Variants in KCNJ1 observed in about 807,000 individuals in gnomAD.
The protein encoded by KCNJ1 is ATP-sensitive inward rectifier potassium channel 1.
KCNJ1 carries 24 observed loss-of-function variants against 21.9 expected under a neutral mutation model. The ratio of observed to expected loss-of-function variants is 1.10; its 90% CI spans 0.79 to 1.54. The LOEUF is 1.54. Among genes scored for constraint, KCNJ1 ranks in the 40% most tolerant of loss-of-function variants. The probability of loss-of-function intolerance (pLI) is 0.00; values close to 1 mark genes in which losing one functional copy is unlikely to be tolerated. For missense variants in KCNJ1, 457 were observed against 455.4 expected (o/e 1.00, Z -0.03); for synonymous variants, 152 against 160.9 (o/e 0.94, Z 0.42).
chr11:128,850,278 C>T (rs1943461178), intron 2 of KCNJ1, among the ~76,000 whole-genome samples: 1 of 152,020 alleles, frequency 6.6e-6, no homozygotes. Context: ...GAAGAAGATC[C>T]CCCTCCCCAT....
In KCNJ1 at chr11:128,862,273, C is replaced by T. The variant is rs1195184691; in HGVS notation, c.-192+4900G>A. On this transcript the variant is annotated intron_variant, in intron 1 of 2. Coordinates refer to ENST00000392666, the MANE Select transcript of KCNJ1 (RefSeq NM_153766.3). Reference sequence around the variant, plus strand: ...CTCCACTCTCTGGCAGCCTCCGTCCCCAGCAGACCTCATCCTGTCTCTTCA... The same window carrying T: ...CTCCACTCTCTGGCAGCCTCCGTCCTCAGCAGACCTCATCCTGTCTCTTCA... Among the ~76,000 whole-genome samples the T allele has an allele frequency of 3.3e-5, 5 of 152,158 alleles. No individual in the cohort carries two copies. In the East Asian group the frequency reaches 9.6e-4, roughly 29 times the overall value.
chr11:128,850,578 A>C (rs933555986), intron 2 of KCNJ1, 143 bp downstream of exon 2: 1 of 182,364 alleles, frequency 5.5e-6, no homozygotes. Context: ...TGGTGGTGGG[A>C]CTCAGTACTT....
chr11:128,841,745 A>G (rs1046854197), intron 2 of KCNJ1, among the ~76,000 whole-genome samples: 4 of 152,204 alleles, frequency 2.6e-5, no homozygotes, highest in Non-Finnish European at 4.4e-5. Flanking sequence ...CAAGAAGCCA[A>G]CGCCAAGTCG....
At chr11:128,852,823 AAGGAAGACAAGC>A (rs1464100744) in intron 1 of KCNJ1, among the ~76,000 whole-genome samples, 2 of 152,246 alleles carry the variant, frequency 1.3e-5, no homozygotes, top group East Asian at 1.9e-4. Flanking sequence ...CCTCTGAAAC[AAGGAAGACAAGC>A]AGGAAGGGGG....
Position 128,840,024 on chromosome 11 carries a change from A to C in KCNJ1, c.220T>G (p.Phe74Val), listed in dbSNP as rs751116693. The C allele has an allele frequency of 7.4e-6, 12 of 1,613,842 alleles. No individual in the cohort carries two copies. Among genetic ancestry groups the C allele is most frequent in the Non-Finnish European group, 1.0e-5 (12 of 1,179,968 alleles). ...IFITAFLGSW[F>V]FFGLLWYAVA... The stretch of plus-strand genomic sequence containing the variant: ...GCATACCACAGGAGACCAAAGAAAA[A>C]CCAACTCCCCAAGAAGGCTGTGATG... The change falls in exon 3 of 3, where the codon TTT becomes GTT. Residue 74 changes from phenylalanine to valine, a missense_variant. Physicochemically the swap from Phe to Val is conservative, Grantham distance 50. Transcript: ENST00000392666.
chr11:128,848,161 G>A (rs113724808), intron 2 of KCNJ1, among the ~76,000 whole-genome samples: 9,449 of 151,928 alleles, frequency 0.062, 336 homozygotes, highest in African/African-American at 0.11. Context: ...GGTGGCGGGC[G>A]CCTGTAGTTC....
At chr11:128,861,320 T>C (rs375128235) in intron 1 of KCNJ1, among the ~76,000 whole-genome samples, 227 of 152,182 alleles carry the variant, frequency 1.5e-3, no homozygotes, top group African/African-American at 5.2e-3. Context: ...AGACCCAGGA[T>C]TGGGGGCCCT....
chr11:128,840,430 T>C (rs1943264340), intron 2 of KCNJ1, among the ~76,000 whole-genome samples, 166 bp from the exon 3 acceptor site: 1 of 152,220 alleles, frequency 6.6e-6, no homozygotes, highest in African/African-American at 2.4e-5. Flanking sequence ...ATGCTATTTC[T>C]GATAGAAACT....
rs753312916 is a variant in KCNJ1 at position 128,839,746 on chromosome 11, G to C, written c.498C>G (p.Pro166=). ...ACGTAATGGTCTTGGCACGTTTTTTGGGCCTGGAGATCTTGGCTAAGATGG... is the reference window on the plus strand; with the variant it reads ...ACGTAATGGTCTTGGCACGTTTTTTCGGCCTGGAGATCTTGGCTAAGATGG... ...CGAILAKISR[P]KKRAKTITFS... Residue 166 remains proline (P), a synonymous_variant, in exon 3 of 3, where the codon CCC becomes CCG. Coordinates refer to ENST00000392666, the MANE Select transcript of KCNJ1 (RefSeq NM_153766.3). 2 of 1,613,634 alleles carry C rather than the reference G, an allele frequency of 1.2e-6. No individual in the cohort carries two copies. Among genetic ancestry groups the C allele is most frequent in the East Asian group, 4.5e-5 (2 of 44,876 alleles).
chr11:128,841,133 C>G (rs2135941997), intron 2 of KCNJ1, among the ~76,000 whole-genome samples: 1 of 152,330 alleles, frequency 6.6e-6, no homozygotes, highest in South Asian at 2.1e-4. Context: ...TGTTCCTACT[C>G]TCTCCCCACG....
intron 1 of KCNJ1, among the ~76,000 whole-genome samples, chr11:128,851,786 T>C (rs1360286277): frequency 6.6e-6 from 1 of 152,216 alleles, no homozygotes. Context: ...CTTGACAATT[T>C]ATAAAATGGA....
intron 2 of KCNJ1, among the ~76,000 whole-genome samples, chr11:128,843,015 A>C (rs1276919219): frequency 6.6e-6 from 1 of 152,202 alleles, no homozygotes. Flanking sequence ...AGAAGTCTTT[A>C]TTGTTGGAAG....
chr11:128,862,478 C>G (rs918945977), intron 1 of KCNJ1, among the ~76,000 whole-genome samples: 3 of 152,206 alleles, frequency 2.0e-5, no homozygotes, highest in South Asian at 4.1e-4. Context: ...GGAGAGGAAA[C>G]AGCCCTGTGT....
intron 1 of KCNJ1, among the ~76,000 whole-genome samples, chr11:128,856,486 AG>A (rs1943593261): frequency 1.3e-5 from 2 of 152,214 alleles, no homozygotes; most frequent in Admixed American, 6.5e-5. Flanking sequence ...ACCGCAGAAG[AG>A]GGAGCAGGGG....
At position 128,854,448 on chromosome 11, in the gene KCNJ1, C is replaced by T. The variant is rs959463196; in HGVS notation, c.-191-3558G>A. Among the ~76,000 whole-genome samples the T allele has an allele frequency of 5.9e-5, 9 of 152,012 alleles. No homozygotes were observed. The East Asian group carries it at 7.7e-4, about 13-fold the overall frequency. On this transcript the variant is annotated intron_variant, in intron 1 of 2. Coordinates refer to ENST00000392666, the MANE Select transcript of KCNJ1 (RefSeq NM_153766.3). ...AGAGGCCCACGGGCCCATTCAAAACCCCGCCTTGCCCCACATTTCCCCCGT... is the reference window on the plus strand; with the variant it reads ...AGAGGCCCACGGGCCCATTCAAAACTCCGCCTTGCCCCACATTTCCCCCGT...
rs1943205230 is a variant in KCNJ1 at position 128,838,329 on chromosome 11, C to G, written c.*796G>C. On this transcript the variant is annotated 3_prime_UTR_variant, in exon 3 of 3. Coordinates refer to ENST00000392666, the MANE Select transcript of KCNJ1 (RefSeq NM_153766.3). The stretch of plus-strand genomic sequence containing the variant: ...AGTACAAACTCTAGGTGGAGGAACA[C>G]ATGAAACTGTTTCTTCTCAGGTGCA... 1 of 152,532 alleles carries G rather than the reference C, an allele frequency of 6.6e-6. No individual in the cohort carries two copies. Among genetic ancestry groups the G allele is most frequent in the South Asian group, 2.1e-4 (1 of 4,832 alleles). 9.4% of individuals were successfully genotyped at this position (152,532 alleles called of 1,614,324 possible). A position where few individuals can be genotyped will look rare whatever the true frequency, so the allele number is the denominator to read the frequency against.
chr11:128,862,613 T>A (rs1406145138), intron 1 of KCNJ1, among the ~76,000 whole-genome samples: 1 of 152,224 alleles, frequency 6.6e-6, no homozygotes, highest in African/African-American at 2.4e-5. Flanking sequence ...GCCACTCTTG[T>A]ACCTGCCATC....
intron 2 of KCNJ1, among the ~76,000 whole-genome samples, chr11:128,846,841 G>A (rs1163551200): frequency 2.6e-5 from 4 of 152,120 alleles, no homozygotes; most frequent in African/African-American, 4.8e-5. Context: ...GGCACATGAG[G>A]CTGGGTCTTG....
At chr11:128,846,453 G>A (rs1267419039) in intron 2 of KCNJ1, among the ~76,000 whole-genome samples, 2 of 152,146 alleles carry the variant, frequency 1.3e-5, no homozygotes, top group Admixed American at 6.5e-5. Flanking sequence ...CTCCTGGAGC[G>A]AAATGGGCCA....
Sources: allele counts gnomAD v4.1 joint callset (sites outside exome capture counted in the v4.1 genomes callset), GRCh38; gene constraint gnomAD v4.1.1; transcripts MANE v1.5; gene names NCBI Gene and HGNC (gene_info 2026-07-23, HGNC 2026-07-21).